The following GATAD1 variants were observed in gnomAD, a reference collection of about 807,000 sequenced individuals.
The protein encoded by GATAD1 is GATA zinc finger domain containing 1.
In GATAD1, 12 loss-of-function variants were observed where a neutral mutation model predicts 26.5. The observed-to-expected ratio is 0.45, with a 90% CI of 0.29 to 0.73. The LOEUF (loss-of-function observed/expected upper bound fraction) is 0.73, where lower values mean the gene tolerates loss of function less well. Ranked by LOEUF, GATAD1 falls within the 30% of genes least tolerant of loss-of-function variation. GATAD1 has a pLI of 0.10. For synonymous variants in GATAD1, 129 were observed against 133.1 expected (o/e 0.97, Z 0.21); for missense variants, 266 against 342.1 (o/e 0.78, Z 1.75).
Position 92,447,702 on chromosome 7 carries a change from C to T in GATAD1, c.-28C>T. ...CGTCCGCCATTCCCGTGTCTCTGCG[C>T]CCGCGGGGGCCGCCCGAGCCGGCCA... On this transcript the variant is annotated 5_prime_UTR_variant, in exon 1 of 5. Transcript: ENST00000287957. 3.5e-6 allele frequency: 5 copies of T among 1,434,874 alleles called. No individual in the cohort carries two copies. The highest frequency in any genetic ancestry group is 4.6e-6 in the Non-Finnish European group (5 of 1,093,516). 88.9% of individuals were successfully genotyped at this position (1,434,874 alleles called of 1,614,324 possible).
At chr7:92,476,009 A>G in the GATAD1 span, among the ~76,000 whole-genome samples, 3 of 152,216 alleles carry the variant, frequency 2.0e-5, no homozygotes, top group Non-Finnish European at 4.4e-5. Context: ...CCCCGTATCA[A>G]TTACTGAATA....
chr7:92,483,752 G>C, the GATAD1 span, among the ~76,000 whole-genome samples: 1 of 152,180 alleles, frequency 6.6e-6, no homozygotes, highest in African/African-American at 2.4e-5. Context: ...GATGGGGGAG[G>C]GCTAGTCACA....
intron 4 of GATAD1, 112 bp from the exon 5 acceptor site, chr7:92,456,260 T>C: frequency 1.7e-6 from 1 of 590,942 alleles, no homozygotes; most frequent in South Asian, 2.4e-5. Context: ...CAAGGGCTAA[T>C]GCCAGGTTGC....
At chr7:92,453,113 A>G (rs1012589585) in intron 3 of GATAD1, among the ~76,000 whole-genome samples, 2 of 152,214 alleles carry the variant, frequency 1.3e-5, no homozygotes, top group Admixed American at 6.5e-5. Flanking sequence ...AGGGTCCACC[A>G]GGAAAAAACT....
the GATAD1 span, among the ~76,000 whole-genome samples, chr7:92,467,235 C>T: frequency 2.0e-5 from 3 of 152,060 alleles, no homozygotes; most frequent in African/African-American, 7.2e-5. Context: ...AGGAGAATCA[C>T]TTGAACCCGG....
At chr7:92,449,150 A>G in intron 2 of GATAD1, 1 of 1,115,824 alleles carries the variant, frequency 9.0e-7, no homozygotes, top group Non-Finnish European at 1.1e-6. Context: ...ATCAACCTTG[A>G]GCCCATTTTT....
rs1789864378 is a variant in GATAD1, at chr7:92,460,069, GA to G, written c.*3510del. ...TAAAGCTTAATATGAGTATTTGAAGGAAATTATCCCAAACCATTCCAGTTCC... is the reference window on the plus strand; with the variant it reads ...TAAAGCTTAATATGAGTATTTGAAGGAATTATCCCAAACCATTCCAGTTCC... On this transcript the variant is annotated 3_prime_UTR_variant, in exon 5 of 5. Transcript: ENST00000287957. Among the ~76,000 whole-genome samples, 1 of 152,156 alleles carries G rather than the reference GA, an allele frequency of 6.6e-6. No homozygotes were observed. Among genetic ancestry groups the G allele is most frequent in the Non-Finnish European group, 1.5e-5 (1 of 68,030 alleles).
intron 3 of GATAD1, among the ~76,000 whole-genome samples, chr7:92,452,285 A>G (rs1789470348): frequency 6.6e-6 from 1 of 152,206 alleles, no homozygotes. Context: ...CATGTTTATT[A>G]AATGATAAGG....
chr7:92,494,470 GTATT>G, the GATAD1 span: 1 of 1,612,482 alleles, frequency 6.2e-7, no homozygotes, highest in Non-Finnish European at 8.5e-7. Context: ...TTCTATTTCT[GTATT>G]TATAATTATT....
chr7:92,493,297 T>C, the GATAD1 span: 1 of 459,622 alleles, frequency 2.2e-6, no homozygotes, highest in Non-Finnish European at 3.7e-6. Flanking sequence ...CTTGGAATTT[T>C]TTCCCCAACA....
intron 2 of GATAD1, chr7:92,449,713 TTTTAC>T (rs1789339150): frequency 3.3e-6 from 2 of 607,972 alleles, no homozygotes; most frequent in Non-Finnish European, 4.1e-6. Flanking sequence ...TTTTTTTTAA[TTTTAC>T]TTTAAGTTCT....
At chr7:92,462,553 CT>C (rs1789959694), downstream of GATAD1, among the ~76,000 whole-genome samples, 1 of 152,156 alleles carries the variant, frequency 6.6e-6, no homozygotes, top group Non-Finnish European at 1.5e-5. Context: ...AAAAATACAA[CT>C]TTAAAATAGA....
At chr7:92,492,546 C>T in the GATAD1 span, among the ~76,000 whole-genome samples, 2 of 152,282 alleles carry the variant, frequency 1.3e-5, no homozygotes, top group Admixed American at 1.3e-4. Context: ...AGGAGCCATA[C>T]AAAAGGGGCT....
chr7:92,487,702 A>T, the GATAD1 span, among the ~76,000 whole-genome samples: 1 of 152,202 alleles, frequency 6.6e-6, no homozygotes, highest in Admixed American at 6.5e-5. Context: ...AATTCTTACA[A>T]ATAAAGTTGC....
At position 92,448,902 on chromosome 7, in the gene GATAD1, T is replaced by G. The variant is rs368827407; in HGVS notation, c.375+25T>G. On this transcript the variant is annotated intron_variant, in intron 2 of 4. Transcript: ENST00000287957. ...TGTAAGATATTTGTGGACAGTGCCT[T>G]TTACTGTAATGACGTTGTGTGTATC... 1.9e-5 allele frequency: 31 copies of G among 1,599,892 alleles called. No individual in the cohort carries two copies. In the African/African-American group the frequency reaches 3.5e-4, roughly 18 times the overall value.
the GATAD1 span, chr7:92,494,581 G>T: frequency 5.6e-6 from 9 of 1,613,864 alleles, no homozygotes; most frequent in Non-Finnish European, 7.6e-6. Flanking sequence ...GAGGAGCAAT[G>T]GATTCAAATT....
At chr7:92,451,204 G>C (rs1789415652) in intron 3 of GATAD1, among the ~76,000 whole-genome samples, 1 of 152,166 alleles carries the variant, frequency 6.6e-6, no homozygotes, top group Non-Finnish European at 1.5e-5. Flanking sequence ...GTTGAGCTGA[G>C]TAAGGGCAGT....
intron 2 of GATAD1, chr7:92,449,346 T>C: frequency 3.2e-6 from 3 of 930,640 alleles, no homozygotes; most frequent in South Asian, 9.9e-5. Flanking sequence ...GATGATGATG[T>C]ATTTGATGAA....
rs961944811 is a variant in GATAD1, at chr7:92,458,776, A to G, written c.*2214A>G. 1 of 152,248 alleles carries G rather than the reference A, an allele frequency of 6.6e-6. No homozygotes were observed. The highest frequency in any genetic ancestry group is 2.4e-5 in the African/African-American group (1 of 41,452). 9.4% of individuals were successfully genotyped at this position (152,248 alleles called of 1,614,324 possible). ...AAAGGGTATAGTAAAATTGATTGTA[A>G]ATAACTTTCTAAGTGCCAATATTCA... On this transcript the variant is annotated 3_prime_UTR_variant, in exon 5 of 5. Transcript: ENST00000287957.
Sources: gnomAD v4.1 joint callset for allele counts (sites outside exome capture counted in the v4.1 genomes callset) on GRCh38, gnomAD v4.1.1 for gene constraint, MANE v1.5 for transcripts, NCBI Gene and HGNC (gene_info 2026-07-23, HGNC 2026-07-21) for gene names.